Variants in TMEM232 observed in about 807,000 individuals in gnomAD.
TMEM232 encodes the protein transmembrane protein 232.
In TMEM232, 80 loss-of-function variants were observed where a neutral mutation model predicts 78.8. That is an observed-to-expected ratio of 1.01 (90% confidence interval 0.85 to 1.22). TMEM232 has a LOEUF of 1.22. Among genes scored for constraint, TMEM232 ranks in the 50% most tolerant of loss-of-function variants. The pLI, the probability that TMEM232 is intolerant of heterozygous loss-of-function variation, is 0.00. For missense variants in TMEM232, 881 were observed against 742.2 expected, an observed-to-expected ratio of 1.19 and a Z score of -2.17; for synonymous variants, 297 against 254.3, an observed-to-expected ratio of 1.17 and a Z score of -1.60.
chr5:110,568,023 T>C (rs1776537636), intron 11 of TMEM232, among the ~76,000 whole-genome samples: 1 of 151,966 alleles, frequency 6.6e-6, no homozygotes, highest in Non-Finnish European at 1.5e-5. Context: ...AATTAGAGGA[T>C]TGTGTTATGC....
At chr5:110,444,620 C>T (rs1759448088) in intron 12 of TMEM232, among the ~76,000 whole-genome samples, 1 of 152,114 alleles carries the variant, frequency 6.6e-6, no homozygotes, top group African/African-American at 2.4e-5. Context: ...TCTATTCTGC[C>T]ATCTTGCTCT....
rs186545927 is a variant in TMEM232, at chr5:110,438,715, G to A, written c.1704-13799C>T. The stretch of plus-strand genomic sequence containing the variant: ...GGCTTTCAAAGTCCCTGAATATGTC[G>A]TCAGTTCCTCCCCTACAACTCAGTT... On this transcript the variant is annotated intron_variant, in intron 12 of 13. Transcript: ENST00000455884. Among the ~76,000 whole-genome samples, 45 of 152,072 alleles carry A rather than the reference G, an allele frequency of 3.0e-4. No homozygotes were observed. In the South Asian group the frequency reaches 3.1e-3, roughly 11 times the overall value.
At chr5:110,527,856 C>G (rs1415177979) in intron 12 of TMEM232, among the ~76,000 whole-genome samples, 3 of 151,850 alleles carry the variant, frequency 2.0e-5, no homozygotes, top group Non-Finnish European at 4.4e-5. Flanking sequence ...CTTCAAATGA[C>G]TTGGGTTAAA....
intron 12 of TMEM232, among the ~76,000 whole-genome samples, chr5:110,444,062 T>C (rs1302146749): frequency 6.6e-6 from 1 of 152,066 alleles, no homozygotes; most frequent in African/African-American, 2.4e-5. Context: ...GAAGGGGTGA[T>C]GCAAGCACTC....
chr5:110,676,834 T>C (rs1415308369), intron 1 of TMEM232, among the ~76,000 whole-genome samples: 1 of 151,786 alleles, frequency 6.6e-6, no homozygotes, highest in Non-Finnish European at 1.5e-5. Context: ...TTTCGGCTCA[T>C]CGCAACCTCC....
chr5:110,508,043 TAAA>T (rs1304349895), intron 12 of TMEM232, among the ~76,000 whole-genome samples: 1 of 152,198 alleles, frequency 6.6e-6, no homozygotes, highest in Admixed American at 6.5e-5. Flanking sequence ...CTTGCTTACA[TAAA>T]TGGTTTAGTA....
chr5:110,687,711 CCTCT>C (rs1413227257), intron 1 of TMEM232, among the ~76,000 whole-genome samples: 2 of 151,622 alleles, frequency 1.3e-5, no homozygotes, highest in Admixed American at 6.6e-5. Flanking sequence ...TCTGTCTCTC[CCTCT>C]CTCTCTATAC....
At chr5:110,570,879 C>T (rs1776865402) in intron 10 of TMEM232, among the ~76,000 whole-genome samples, 2 of 151,962 alleles carry the variant, frequency 1.3e-5, no homozygotes, top group Admixed American at 1.3e-4. Flanking sequence ...AATATGACAT[C>T]ATTTTGGAAC....
At chr5:110,669,479 CAAT>C (rs1039842694) in intron 1 of TMEM232, among the ~76,000 whole-genome samples, 4 of 152,062 alleles carry the variant, frequency 2.6e-5, no homozygotes, top group Non-Finnish European at 5.9e-5. Context: ...GAAATTGAGG[CAAT>C]AATTAATAGC....
intron 12 of TMEM232, among the ~76,000 whole-genome samples, chr5:110,479,837 G>C (rs1561547178): frequency 6.6e-6 from 1 of 151,684 alleles, no homozygotes. Flanking sequence ...CCCAAATCCA[G>C]TACATTTCTG....
chr5:110,620,584 T>C (rs1371475178), intron 7 of TMEM232, among the ~76,000 whole-genome samples: 1 of 6,748 alleles, frequency 1.5e-4, no homozygotes, highest in South Asian at 4.0e-3. Flanking sequence ...CATATCTCTC[T>C]CTCTCTCTCT....
At chr5:110,464,587 G>A (rs969232006) in intron 12 of TMEM232, among the ~76,000 whole-genome samples, 1 of 152,078 alleles carries the variant, frequency 6.6e-6, no homozygotes, top group Non-Finnish European at 1.5e-5. Flanking sequence ...AATTTATTCA[G>A]GTGTATCACA....
At chr5:110,427,547 G>T (rs1238948990) in intron 12 of TMEM232, among the ~76,000 whole-genome samples, 2 of 151,414 alleles carry the variant, frequency 1.3e-5, no homozygotes, top group African/African-American at 4.9e-5. Flanking sequence ...GTTTCCGAGG[G>T]CTACTTTAAC....
rs115881994 is a variant in TMEM232 at position 110,414,042 on chromosome 5, A to G, written n.308+10781T>C. ...AGGGAGAAGCAGAAATATTTAGCAA[A>G]AAGCATGAATCATTACTCTATCAAT... On this transcript the variant is annotated intron_variant and non_coding_transcript_variant, in intron 2 of 8. Transcript: ENST00000507188. 3.3e-3 allele frequency among the ~76,000 whole-genome samples: 495 copies of G among 152,284 alleles called. 1 individual carries two copies. The highest frequency in any genetic ancestry group is 6.8e-3 in the Middle Eastern group (2 of 294).
chr5:110,499,233 G>A (rs1765944493), intron 12 of TMEM232, among the ~76,000 whole-genome samples: 1 of 152,056 alleles, frequency 6.6e-6, no homozygotes, highest in East Asian at 1.9e-4. Flanking sequence ...TTACATTAAG[G>A]ATTCCAATTA....
intron 8 of TMEM232, among the ~76,000 whole-genome samples, chr5:110,607,191 T>C (rs1721781806): frequency 1.3e-5 from 2 of 152,028 alleles, no homozygotes. Context: ...AATTATTTCA[T>C]TTGATTTGAA....
intron 1 of TMEM232, among the ~76,000 whole-genome samples, chr5:110,723,372 C>T (rs138194358): frequency 3.3e-5 from 5 of 152,184 alleles, no homozygotes; most frequent in African/African-American, 9.6e-5. Context: ...TCCTGTTTGG[C>T]AAAATATCTA....
At chr5:110,522,973 G>A (rs916436742) in intron 12 of TMEM232, among the ~76,000 whole-genome samples, 1 of 152,154 alleles carries the variant, frequency 6.6e-6, no homozygotes, top group African/African-American at 2.4e-5. Flanking sequence ...AGGAGCTTGA[G>A]AAATGTTGGC....
At chr5:110,572,670 TAA>T (rs1185700146) in intron 10 of TMEM232, among the ~76,000 whole-genome samples, 1 of 152,080 alleles carries the variant, frequency 6.6e-6, no homozygotes, top group African/African-American at 2.4e-5. Context: ...TATGTTTTAG[TAA>T]GTCACAATTC....
Sources: gnomAD v4.1 joint callset for allele counts (sites outside exome capture counted in the v4.1 genomes callset) on GRCh38, gnomAD v4.1.1 for gene constraint, MANE v1.5 for transcripts, NCBI Gene and HGNC (gene_info 2026-07-23, HGNC 2026-07-21) for gene names.